The following CFAP20DC variants were observed in gnomAD, a reference collection of about 807,000 sequenced individuals.
CFAP20DC encodes CFAP20 domain containing.
A neutral mutation model predicts 101.7 loss-of-function variants in CFAP20DC; 84 were observed. That is an observed-to-expected ratio of 0.83 (90% confidence interval 0.69 to 0.99). The LOEUF (loss-of-function observed/expected upper bound fraction) is 0.99, where lower values mean the gene tolerates loss of function less well. Among genes scored for constraint, CFAP20DC ranks in the 50% least tolerant of loss-of-function variants. The pLI, the probability that CFAP20DC is intolerant of heterozygous loss-of-function variation, is 0.00. For missense variants in CFAP20DC, 1,007 were observed against 970.3 expected, an observed-to-expected ratio of 1.04 and a Z score of -0.50; for synonymous variants, 359 against 351.2, an observed-to-expected ratio of 1.02 and a Z score of -0.25.
intron 14 of CFAP20DC, among the ~76,000 whole-genome samples, chr3:58,814,814 C>T (rs2074980361): frequency 6.6e-6 from 1 of 150,866 alleles, no homozygotes; most frequent in South Asian, 2.1e-4. Flanking sequence ...TGTGAAGGAC[C>T]TCTTCAAGGA....
chr3:58,806,182 C>T (rs1486764473), intron 15 of CFAP20DC, among the ~76,000 whole-genome samples: 1 of 152,152 alleles, frequency 6.6e-6, no homozygotes, highest in East Asian at 1.9e-4. Flanking sequence ...ACCCAAAATT[C>T]CACAGCTAGT....
intron 5 of CFAP20DC, among the ~76,000 whole-genome samples, chr3:58,918,014 G>A (rs1576300264): frequency 6.6e-6 from 1 of 152,044 alleles, no homozygotes; most frequent in African/African-American, 2.4e-5. Context: ...ATCTCTTACT[G>A]AAATCATAGT....
intron 5 of CFAP20DC, among the ~76,000 whole-genome samples, chr3:58,933,918 A>G (rs935887453): frequency 1.3e-5 from 2 of 151,908 alleles, no homozygotes; most frequent in African/African-American, 4.8e-5. Context: ...AAATAACTAA[A>G]ATCAGAGCAG....
chr3:58,975,539 C>A (rs2092227983), intron 4 of CFAP20DC, among the ~76,000 whole-genome samples: 1 of 152,160 alleles, frequency 6.6e-6, no homozygotes, highest in African/African-American at 2.4e-5. Context: ...TTTTTCTATA[C>A]AGCATAATCT....
chr3:58,832,944 G>T (rs914317006), intron 13 of CFAP20DC, among the ~76,000 whole-genome samples: 7 of 152,044 alleles, frequency 4.6e-5, no homozygotes, highest in Non-Finnish European at 1.0e-4. Flanking sequence ...AAATTTTCTT[G>T]TACATCTGGA....
chr3:58,764,326 C>T (rs1368550203), intron 15 of CFAP20DC, among the ~76,000 whole-genome samples: 1 of 152,176 alleles, frequency 6.6e-6, no homozygotes, highest in Non-Finnish European at 1.5e-5. Context: ...GGTGTAGGAT[C>T]CTCCGAGCCA....
intron 12 of CFAP20DC, among the ~76,000 whole-genome samples, chr3:58,855,718 A>G (rs1304068227): frequency 6.6e-6 from 1 of 151,906 alleles, no homozygotes; most frequent in East Asian, 1.9e-4. Flanking sequence ...CATCATTCTC[A>G]GTAAACTATC....
At chr3:58,946,600 G>A (rs1284162422) in intron 4 of CFAP20DC, among the ~76,000 whole-genome samples, 1 of 152,166 alleles carries the variant, frequency 6.6e-6, no homozygotes, top group Non-Finnish European at 1.5e-5. Flanking sequence ...AGTATCGCCT[G>A]TCACCACATT....
At chr3:58,888,426 T>G (rs1454582049) in intron 6 of CFAP20DC, among the ~76,000 whole-genome samples, 1 of 152,164 alleles carries the variant, frequency 6.6e-6, no homozygotes, top group Admixed American at 6.5e-5. Flanking sequence ...TTATTTTAAG[T>G]TCAGGGATAC....
chr3:58,846,888 A>G (rs1456990907), intron 13 of CFAP20DC, among the ~76,000 whole-genome samples: 1 of 150,818 alleles, frequency 6.6e-6, no homozygotes, highest in Non-Finnish European at 1.5e-5. Context: ...GATCTTTGAC[A>G]AACCTGAGAA....
At chr3:58,735,661 T>C (rs2067736261) in intron 3 of CFAP20DC, among the ~76,000 whole-genome samples, 1 of 152,082 alleles carries the variant, frequency 6.6e-6, no homozygotes, top group Non-Finnish European at 1.5e-5. Flanking sequence ...CCAGAGGAGG[T>C]AGGAATCTCC....
intron 15 of CFAP20DC, among the ~76,000 whole-genome samples, chr3:58,800,988 T>G (rs1191462034): frequency 7.8e-6 from 1 of 128,548 alleles, no homozygotes. Context: ...AAAAAACTCC[T>G]GCCCTTGACA....
At chr3:58,916,456 C>G (rs900612439) in intron 5 of CFAP20DC, among the ~76,000 whole-genome samples, 1 of 152,090 alleles carries the variant, frequency 6.6e-6, no homozygotes, top group African/African-American at 2.4e-5. Context: ...ATTCTGTCAA[C>G]CTGGACTCAT....
At chr3:58,737,304 TCA>T (rs72290352), downstream of CFAP20DC, 4,986 of 417,250 alleles carry the variant, frequency 0.012, 28 homozygotes, top group African/African-American at 0.037. The surrounding 1 kb of genome is among the most constrained non-coding windows in gnomAD (Gnocchi z 4.1). Context: ...CAAATCTCTC[TCA>T]CACACACACA....
chr3:58,965,085 T>C (rs1392192883), intron 4 of CFAP20DC, among the ~76,000 whole-genome samples: 1 of 152,188 alleles, frequency 6.6e-6, no homozygotes, highest in Non-Finnish European at 1.5e-5. Context: ...ACCATTTCAT[T>C]TAAAAGGGTC....
chr3:58,769,683 A>G (rs1021938096), intron 15 of CFAP20DC, among the ~76,000 whole-genome samples: 2 of 152,088 alleles, frequency 1.3e-5, no homozygotes, highest in African/African-American at 4.8e-5. Context: ...CTTGCCAGAC[A>G]TGTCTCCCCT....
intron 14 of CFAP20DC, among the ~76,000 whole-genome samples, chr3:58,812,729 G>A (rs1458455696): frequency 6.6e-6 from 1 of 151,650 alleles, no homozygotes; most frequent in Non-Finnish European, 1.5e-5. Context: ...AATAAAAAAA[G>A]AAAAGAAGGG....
chr3:58,816,393 C>T (rs898509582), intron 14 of CFAP20DC, among the ~76,000 whole-genome samples: 1 of 152,162 alleles, frequency 6.6e-6, no homozygotes, highest in Admixed American at 6.5e-5. Context: ...GTTTATCTCA[C>T]TAGGGAGTGC....
At chr3:59,042,120 G>A (rs912239253) in intron 3 of CFAP20DC, among the ~76,000 whole-genome samples, 3 of 152,044 alleles carry the variant, frequency 2.0e-5, no homozygotes, top group African/African-American at 7.2e-5. Flanking sequence ...ACTCAGCTGG[G>A]ATGAATACAC....
Sources: allele counts gnomAD v4.1 joint callset (sites outside exome capture counted in the v4.1 genomes callset), GRCh38; gene constraint gnomAD v4.1.1; non-coding constraint Gnocchi (gnomAD v3.1); transcripts MANE v1.5; gene names NCBI Gene and HGNC (gene_info 2026-07-23, HGNC 2026-07-21).